The following SAMD5 variants were observed in gnomAD, a reference collection of about 807,000 sequenced individuals.
SAMD5 encodes sterile alpha motif domain-containing protein 5.
A neutral mutation model predicts 11.3 loss-of-function variants in SAMD5; 13 were observed. The ratio of observed to expected loss-of-function variants is 1.15; its 90% CI spans 0.75 to 1.83. The LOEUF is 1.83. Ranked by LOEUF, SAMD5 falls within the 40% of genes most tolerant of loss-of-function variation. The pLI, the probability that SAMD5 is intolerant of heterozygous loss-of-function variation, is 0.00. For synonymous variants in SAMD5, 129 were observed against 111.3 expected (o/e 1.16, Z -1.00); for missense variants, 255 against 239.1 (o/e 1.07, Z -0.44).
chr6:147,591,833 C>T (rs189493351), intron 1 of SAMD5, among the ~76,000 whole-genome samples: 1 of 152,162 alleles, frequency 6.6e-6, no homozygotes, highest in East Asian at 1.9e-4. Context: ...AGGGAAGCAC[C>T]TCCTTCAGGT....
chr6:147,761,090 A>C, the SAMD5 span, among the ~76,000 whole-genome samples: 3 of 152,208 alleles, frequency 2.0e-5, no homozygotes. Context: ...ATTTATAAAT[A>C]ACTTCCTAAC....
chr6:147,934,228 C>T, the SAMD5 span, among the ~76,000 whole-genome samples: 1 of 152,258 alleles, frequency 6.6e-6, no homozygotes, highest in South Asian at 2.1e-4. Context: ...GGAGAATTTT[C>T]CCACATAGCT....
chr6:147,701,843 A>G (rs1253754805), intron 1 of SAMD5, among the ~76,000 whole-genome samples: 1 of 152,162 alleles, frequency 6.6e-6, no homozygotes, highest in African/African-American at 2.4e-5. Context: ...GAGAGAGAAC[A>G]TAGAAACTTA....
chr6:147,743,104 A>G, the SAMD5 span: 2 of 152,204 alleles, frequency 1.3e-5, no homozygotes, highest in Admixed American at 6.5e-5. Flanking sequence ...ACATACTTCA[A>G]TTTATTAGAG....
At chr6:147,794,677 T>C in the SAMD5 span, among the ~76,000 whole-genome samples, 2 of 152,196 alleles carry the variant, frequency 1.3e-5, no homozygotes, top group Non-Finnish European at 2.9e-5. Flanking sequence ...GTTCATATGA[T>C]ATGATCATAT....
intron 1 of SAMD5, among the ~76,000 whole-genome samples, chr6:147,732,111 A>G (rs1791724582): frequency 6.6e-6 from 1 of 152,318 alleles, no homozygotes; most frequent in East Asian, 1.9e-4. Context: ...ATTGGAATGC[A>G]GTGTACTTTA....
At chr6:147,680,833 C>T (rs1008563824) in intron 1 of SAMD5, among the ~76,000 whole-genome samples, 3 of 152,102 alleles carry the variant, frequency 2.0e-5, no homozygotes, top group East Asian at 3.8e-4. Context: ...ACCTTGCATT[C>T]CTGGGTAAAC....
At chr6:147,948,874 C>CT in the SAMD5 span, among the ~76,000 whole-genome samples, 62 of 152,226 alleles carry the variant, frequency 4.1e-4, 3 homozygotes, top group South Asian at 0.012. Context: ...GTTCAAAAGA[C>CT]GCAGACATTG....
At chr6:147,859,530 G>A in the SAMD5 span, among the ~76,000 whole-genome samples, 93,723 of 152,024 alleles carry the variant, frequency 0.62, 29,378 homozygotes, top group East Asian at 0.76. Context: ...AAGTTGACAC[G>A]TGAGTAGGCG....
chr6:147,726,044 T>C (rs994251192), intron 1 of SAMD5, among the ~76,000 whole-genome samples: 1 of 152,190 alleles, frequency 6.6e-6, no homozygotes, highest in Non-Finnish European at 1.5e-5. Flanking sequence ...AATTACTTCT[T>C]TTCCTCTGAA....
chr6:147,899,200 G>A, the SAMD5 span, among the ~76,000 whole-genome samples: 1 of 129,074 alleles, frequency 7.7e-6, no homozygotes, highest in Non-Finnish European at 1.6e-5. Flanking sequence ...AAAAGATAAC[G>A]TGTCAACAGT....
At chr6:147,702,485 T>C (rs1791267962) in intron 1 of SAMD5, among the ~76,000 whole-genome samples, 1 of 152,328 alleles carries the variant, frequency 6.6e-6, no homozygotes, top group South Asian at 2.1e-4. Flanking sequence ...AAACACTAGA[T>C]ACATTTGGTG....
chr6:147,623,911 C>T (rs532175693), intron 1 of SAMD5, among the ~76,000 whole-genome samples: 1 of 152,100 alleles, frequency 6.6e-6, no homozygotes, highest in African/African-American at 2.4e-5. Flanking sequence ...GCTCTGTCGC[C>T]CAGGCTCGAG....
At chr6:147,734,733 A>AAAAAAAAAAAC in intron 1 of SAMD5, among the ~76,000 whole-genome samples, 1 of 147,206 alleles carries the variant, frequency 6.8e-6, no homozygotes, top group African/African-American at 2.6e-5. Context: ...AAAAAAAAAA[A>AAAAAAAAAAAC]AAAAAAAAAG....
At chr6:147,761,244 T>C in the SAMD5 span, among the ~76,000 whole-genome samples, 1 of 152,148 alleles carries the variant, frequency 6.6e-6, no homozygotes, top group Admixed American at 6.5e-5. Context: ...AATGATAATA[T>C]ATACCCTACA....
At chr6:147,746,461 ATT>A in the SAMD5 span, among the ~76,000 whole-genome samples, 3 of 152,160 alleles carry the variant, frequency 2.0e-5, no homozygotes, top group Admixed American at 2.0e-4. Context: ...AAGTTTACAG[ATT>A]TTATGGTACT....
At chr6:147,723,231 T>C (rs1583153985) in intron 1 of SAMD5, among the ~76,000 whole-genome samples, 1 of 152,174 alleles carries the variant, frequency 6.6e-6, no homozygotes, top group East Asian at 1.9e-4. Flanking sequence ...TTTCCCCTTC[T>C]CTTTACCATG....
intron 1 of SAMD5, among the ~76,000 whole-genome samples, chr6:147,590,407 C>T (rs151216502): frequency 1.9e-4 from 29 of 152,176 alleles, no homozygotes; most frequent in South Asian, 6.2e-4. Flanking sequence ...CCCTCAGTAA[C>T]GGTTATTTGT....
At chr6:147,933,760 G>A in the SAMD5 span, among the ~76,000 whole-genome samples, 1 of 152,136 alleles carries the variant, frequency 6.6e-6, no homozygotes, top group Non-Finnish European at 1.5e-5. Flanking sequence ...GTACTACCAT[G>A]AGCACAAATT....
Sources: gnomAD v4.1 joint callset for allele counts (sites outside exome capture counted in the v4.1 genomes callset) on GRCh38, gnomAD v4.1.1 for gene constraint, MANE v1.5 for transcripts, NCBI Gene and HGNC (gene_info 2026-07-23, HGNC 2026-07-21) for gene names.